The following DLEC1 variants were observed in gnomAD, a reference collection of about 807,000 sequenced individuals.
DLEC1 encodes the protein deleted in lung and esophageal cancer protein 1.
In DLEC1, 146 loss-of-function variants were observed where a neutral mutation model predicts 198.1. That is an observed-to-expected ratio of 0.74 (90% CI 0.64 to 0.85). The LOEUF is 0.85. Ranked by LOEUF, DLEC1 falls within the 40% of genes least tolerant of loss-of-function variation. The pLI, the probability that DLEC1 is intolerant of heterozygous loss-of-function variation, is 0.00. For synonymous variants in DLEC1, 897 were observed against 866.8 expected (o/e 1.03, Z -0.61); for missense variants, 2,233 against 2,220.0 (o/e 1.01, Z -0.12).
intron 8 of DLEC1, 47 bp downstream of exon 8, chr3:38,085,494 G>C: frequency 6.2e-7 from 1 of 1,603,420 alleles, no homozygotes; most frequent in Non-Finnish European, 8.5e-7. Context: ...AGGTTGGAGA[G>C]TCCCCATAAG....
chr3:38,112,065 TC>T lies in DLEC1; in HGVS notation c.3515-142del. On this transcript the variant is annotated intron_variant, in intron 24 of 36. Transcript: ENST00000308059. The surrounding 1 kb of genome is among the most constrained non-coding windows in gnomAD (Gnocchi z 4.8). ...AGTAGCTTGCCTCTGGATTCCAGGC[TC>T]CCAGGAGGAGGGCACATGTAGCCTG... 1 of 1,309,328 alleles carries T rather than the reference TC, an allele frequency of 7.6e-7. No homozygotes were observed. The highest frequency in any genetic ancestry group is 1.4e-5 in the South Asian group (1 of 73,872). 81.1% of individuals were successfully genotyped at this position (1,309,328 alleles called of 1,614,324 possible).
Position 38,062,799 on chromosome 3 carries a change from G to C in DLEC1, c.1092G>C (p.Gln364His), listed in dbSNP as rs751751483. ...AATTCCAGAGTACAGAGCCAGAACA[G>C]AGGTATGTCTTTCTCTGGCTTGAAC... ...IGEFQSTEPE[Q>H]SCADTPVFLA... The change falls in exon 5 of 37, where the codon CAG becomes CAC. Residue 364 changes from glutamine to histidine, a missense_variant and splice_region_variant. By Grantham distance (24) the Gln-to-His change is conservative. Transcript: ENST00000308059. 5 of 1,613,454 alleles carry C rather than the reference G, an allele frequency of 3.1e-6. No individual in the cohort carries two copies. Among genetic ancestry groups the C allele is most frequent in the Non-Finnish European group, 4.2e-6 (5 of 1,179,806 alleles).
intron 33 of DLEC1, among the ~76,000 whole-genome samples, chr3:38,119,474 C>G (rs1448680213): frequency 6.6e-6 from 1 of 152,122 alleles, no homozygotes; most frequent in Non-Finnish European, 1.5e-5. Context: ...CAACACTATT[C>G]TCTTTTCTTC....
chr3:38,110,190 C>CTCACCAAT lies in DLEC1; in HGVS notation c.3353_3360dup (p.Arg1121SerfsTer25). On this transcript the variant is annotated frameshift_variant, in exon 23 of 37. Transcript: ENST00000308059. LOFTEE classifies it high-confidence loss of function. ...GACCCGTGTGACTCGCCAGCTCATT[C>CTCACCAAT]TCACCAATCGCTCCCCAATACGGAC... is the stretch of plus-strand genomic sequence containing the variant. 1 of 1,614,252 alleles carries CTCACCAAT rather than the reference C, an allele frequency of 6.2e-7. No individual in the cohort carries two copies. Among genetic ancestry groups the CTCACCAAT allele is most frequent in the Non-Finnish European group, 8.5e-7 (1 of 1,180,040 alleles).
Position 38,117,112 on chromosome 3 carries a change from C to T in DLEC1, c.4305+12C>T, listed in dbSNP as rs763183687. The T allele has an allele frequency of 2.5e-5, 40 of 1,613,824 alleles. No homozygotes were observed. The highest frequency in any genetic ancestry group is 5.5e-5 in the South Asian group (5 of 91,092). ...GCTTGGACAGCAAGGTGAGCTCTTC[C>T]GGCCTGGGGTGGGGGCCGCAGCCAC... On this transcript the variant is annotated intron_variant, in intron 30 of 36. Transcript: ENST00000308059.
Position 38,097,738 on chromosome 3 carries a change from T to A in DLEC1, c.2566-6T>A. The A allele has an allele frequency of 6.2e-7, 1 of 1,613,966 alleles. No homozygotes were observed. Among genetic ancestry groups the A allele is most frequent in the Non-Finnish European group, 8.5e-7 (1 of 1,179,890 alleles). On this transcript the variant is annotated splice_polypyrimidine_tract_variant and splice_region_variant and intron_variant, in intron 17 of 36. Coordinates refer to ENST00000308059, the MANE Select transcript of DLEC1 (RefSeq NM_007335.4). The stretch of plus-strand genomic sequence containing the variant: ...GGCCCAGTGACAGGCCCTCTGGGTG[T>A]CTCAGGGGCCTGCCCTCATCATCAA...
Position 38,109,545 on chromosome 3 carries a change from G to T in DLEC1, c.3243G>T (p.Lys1081Asn). The T allele has an allele frequency of 6.2e-7, 1 of 1,614,210 alleles. No individual in the cohort carries two copies. The highest frequency in any genetic ancestry group is 2.2e-5 in the East Asian group (1 of 44,890). The change falls in exon 22 of 37, where the codon AAG (lysine) becomes AAT (asparagine). Residue 1081 changes from lysine to asparagine, a missense_variant. Coordinates refer to ENST00000308059, the MANE Select transcript of DLEC1 (RefSeq NM_007335.4). ...TGCAAGTGGCCATTACCATCTCTAA[G>T]GAGAGCTCTGATTGCAGGTGAGCCC... ...QGLQVAITIS[K>N]ESSDCSTEQW...
chr3:38,058,411 T>TCA (rs1234409256), intron 2 of DLEC1, among the ~76,000 whole-genome samples: 2 of 152,104 alleles, frequency 1.3e-5, no homozygotes, highest in Non-Finnish European at 2.9e-5. Flanking sequence ...TGTCCCTACC[T>TCA]CAGGCCAGCA....
chr3:38,100,849 A>T (rs1257938927), intron 19 of DLEC1, among the ~76,000 whole-genome samples: 1 of 152,234 alleles, frequency 6.6e-6, no homozygotes, highest in African/African-American at 2.4e-5. Context: ...CAACAGGAGA[A>T]TGGACATTTA....
In DLEC1 at chr3:38,062,716, A is replaced by C; in HGVS notation, c.1009A>C (p.Thr337Pro). 6.2e-7 allele frequency: 1 copy of C among 1,613,806 alleles called. No homozygotes were observed. Among genetic ancestry groups the C allele is most frequent in the Non-Finnish European group, 8.5e-7 (1 of 1,179,946 alleles). The change falls in exon 5 of 37, where the codon ACT becomes CCT. Residue 337 changes from threonine to proline, a missense_variant. Coordinates refer to ENST00000308059, the MANE Select transcript of DLEC1 (RefSeq NM_007335.4). ...LKNPRFFPPN[T>P]RYGGKSLVFP... is the part of the protein sequence containing the mutation. ...AAATCCCCGTTTTTTTCCTCCTAAC[A>C]CTCGATATGGAGGCAAGTCTCTTGT... is the stretch of plus-strand genomic sequence containing the variant.
chr3:38,043,559 A>G (rs1185859501), intron 1 of DLEC1, among the ~76,000 whole-genome samples: 1 of 152,240 alleles, frequency 6.6e-6, no homozygotes, highest in Non-Finnish European at 1.5e-5. Context: ...CCTCATTCAT[A>G]TGCTATTATA....
intron 18 of DLEC1, 42 bp from the exon 19 acceptor site, chr3:38,100,244 A>C: frequency 6.4e-7 from 1 of 1,554,086 alleles, no homozygotes; most frequent in Non-Finnish European, 8.7e-7. Flanking sequence ...TGCAATTCCA[A>C]GTGTCCTCAG....
At chr3:38,082,645 G>T (rs1449467355) in intron 6 of DLEC1, among the ~76,000 whole-genome samples, 1 of 151,454 alleles carries the variant, frequency 6.6e-6, no homozygotes, top group Admixed American at 6.6e-5. Context: ...AGGAGAAGGG[G>T]TTGAGGGGTA....
intron 9 of DLEC1, 141 bp from the exon 10 acceptor site, chr3:38,088,155 G>GT: frequency 1.4e-6 from 1 of 720,994 alleles, no homozygotes; most frequent in Non-Finnish European, 2.3e-6. Context: ...ATAAGCCTCA[G>GT]TTTTTTCATT....
In DLEC1 at chr3:38,093,755, T is replaced by C; in HGVS notation, c.1907T>C (p.Ile636Thr). Reference sequence around the variant, plus strand: ...TCCACGGCTAGGAAGCAGCTGATTATTAGAAATGCTACGTGGGTAACCCCT... The same window carrying C: ...TCCACGGCTAGGAAGCAGCTGATTACTAGAAATGCTACGTGGGTAACCCCT... ...LRSTARKQLI[I>T]RNATHVELAF... Residue 636 changes from isoleucine to threonine, a missense_variant, in exon 12 of 37, where the codon ATT becomes ACT. By Grantham distance (89) the Ile-to-Thr change is moderately conservative. Transcript: ENST00000308059. 2 of 1,614,132 alleles carry C rather than the reference T, an allele frequency of 1.2e-6. No homozygotes were observed. Among genetic ancestry groups the C allele is most frequent in the Non-Finnish European group, 1.7e-6 (2 of 1,180,020 alleles).
chr3:38,096,481 C>A, intron 14 of DLEC1, 88 bp from the exon 15 acceptor site: 2 of 1,458,032 alleles, frequency 1.4e-6, no homozygotes, highest in South Asian at 1.4e-5. Context: ...TTTTTTTTCA[C>A]AAGGCCAAAC....
chr3:38,118,687 C>T (rs916548317), intron 33 of DLEC1, among the ~76,000 whole-genome samples: 16 of 151,924 alleles, frequency 1.1e-4, no homozygotes, highest in South Asian at 4.2e-4. Flanking sequence ...TAGACAGCGC[C>T]GCCCTGTCTC....
At chr3:38,095,430 C>T (rs373834010) in intron 13 of DLEC1, 678 of 320,174 alleles carry the variant, frequency 2.1e-3, no homozygotes, top group Non-Finnish European at 3.4e-3. Context: ...GTTAGCACAG[C>T]GCTGGCCCCA....
intron 26 of DLEC1, 139 bp downstream of exon 26, chr3:38,114,599 C>T: frequency 1.2e-6 from 1 of 825,730 alleles, no homozygotes. Context: ...AGGTTCCAGG[C>T]CAGGGTTTCC....
Sources: gnomAD v4.1 joint callset for allele counts (sites outside exome capture counted in the v4.1 genomes callset) on GRCh38, gnomAD v4.1.1 for gene constraint, Gnocchi (gnomAD v3.1) non-coding constraint, MANE v1.5 for transcripts, NCBI Gene and HGNC (gene_info 2026-07-23, HGNC 2026-07-21) for gene names.